Variants in WWOX observed in about 807,000 individuals in gnomAD.
WWOX encodes WW domain containing oxidoreductase.
In WWOX, 69 loss-of-function variants were observed where a neutral mutation model predicts 46.2. The observed-to-expected ratio is 1.49, with a 90% CI of 1.23 to 1.82. The LOEUF (loss-of-function observed/expected upper bound fraction) is 1.82. Ranked by LOEUF, WWOX falls within the 40% of genes most tolerant of loss-of-function variation. The pLI is 0.00. For missense variants in WWOX, 919 were observed against 542.6 expected (o/e 1.69, Z -6.89); for synonymous variants, 359 against 202.6 (o/e 1.77, Z -6.56).
chr16:79,094,083 A>G (rs28489583), intron 8 of WWOX, among the ~76,000 whole-genome samples: 6,660 of 152,142 alleles, frequency 0.044, 510 homozygotes, highest in African/African-American at 0.15. Flanking sequence ...CCCACCTAGC[A>G]CTCATCCCAC....
intron 8 of WWOX, among the ~76,000 whole-genome samples, chr16:78,809,693 G>C (rs911564343): frequency 2.0e-5 from 3 of 152,198 alleles, no homozygotes; most frequent in Non-Finnish European, 2.9e-5. Context: ...GACTGGGAGT[G>C]TGAATGAGGC....
chr16:78,547,127 G>GAAAAAAAAAAAAAAAAAAAAAAAAA (rs199726097), intron 8 of WWOX, among the ~76,000 whole-genome samples: 3 of 87,504 alleles, frequency 3.4e-5, no homozygotes, highest in African/African-American at 1.4e-4. Flanking sequence ...CCTTGTCTCA[G>GAAAAAAAAAAAAAAAAAAAAAAAAA]AAAAAAAAAA....
intron 8 of WWOX, among the ~76,000 whole-genome samples, chr16:78,555,517 G>A (rs1351528559): frequency 6.6e-6 from 1 of 151,466 alleles, no homozygotes; most frequent in East Asian, 1.9e-4. Flanking sequence ...ATGTCTCGGG[G>A]CTTCTGTGAG....
At position 78,432,757 on chromosome 16, in the gene WWOX, GAGA is replaced by G. The variant is rs1246369364; in HGVS notation, c.1056+7_1056+9del. On this transcript the variant is annotated splice_donor_region_variant and intron_variant, in intron 8 of 8. Transcript: ENST00000566780. ...AGGCCTTTCACCAAGTCCATGGTAA[GAGA>G]ACAGCTTCTGGCGCCGCAAACACCT... The G allele has an allele frequency of 6.2e-6, 10 of 1,614,150 alleles. No individual in the cohort carries two copies. The highest frequency in any genetic ancestry group is 8.5e-6 in the Non-Finnish European group (10 of 1,180,030).
intron 8 of WWOX, among the ~76,000 whole-genome samples, chr16:79,172,026 T>G (rs895071727): frequency 6.6e-6 from 1 of 152,088 alleles, no homozygotes; most frequent in Non-Finnish European, 1.5e-5. Context: ...AACACGGAGC[T>G]CCTGCAGAAG....
At chr16:78,974,138 T>C (rs576593940) in intron 8 of WWOX, among the ~76,000 whole-genome samples, 39 of 152,334 alleles carry the variant, frequency 2.6e-4, no homozygotes, top group African/African-American at 9.1e-4. Flanking sequence ...CAGTGTGATT[T>C]CACAAATCAA....
intron 8 of WWOX, among the ~76,000 whole-genome samples, chr16:78,689,524 C>T (rs199905034): frequency 1.3e-5 from 2 of 152,182 alleles, no homozygotes; most frequent in South Asian, 2.1e-4. Context: ...CTTCATAGTC[C>T]AGTCTTTGTA....
intron 8 of WWOX, among the ~76,000 whole-genome samples, chr16:79,054,694 G>C (rs546727425): frequency 5.1e-4 from 78 of 152,082 alleles, no homozygotes; most frequent in Non-Finnish European, 1.0e-3. Flanking sequence ...GCGTGGTGTC[G>C]TGTGTCTGTA....
intron 8 of WWOX, among the ~76,000 whole-genome samples, chr16:78,929,545 G>A (rs1223583312): frequency 6.6e-6 from 1 of 152,096 alleles, no homozygotes; most frequent in Non-Finnish European, 1.5e-5. Context: ...GAGTGAGATG[G>A]CCATACCTTC....
intron 8 of WWOX, among the ~76,000 whole-genome samples, chr16:78,737,105 TATTC>T (rs2049110046): frequency 6.6e-6 from 1 of 151,978 alleles, no homozygotes; most frequent in African/African-American, 2.4e-5. Context: ...TTTATTTATT[TATTC>T]ATTTATTTGA....
chr16:78,565,627 C>A (rs919145023), intron 8 of WWOX, among the ~76,000 whole-genome samples: 1 of 152,190 alleles, frequency 6.6e-6, no homozygotes, highest in African/African-American at 2.4e-5. Context: ...TCCCCTTTGC[C>A]ATGGCTGATG....
At chr16:79,136,039 T>C (rs1009935888) in intron 8 of WWOX, among the ~76,000 whole-genome samples, 3 of 152,218 alleles carry the variant, frequency 2.0e-5, no homozygotes, top group African/African-American at 7.2e-5. Context: ...TGCAGCAATT[T>C]TAACTTTCTA....
At chr16:78,271,469 A>G (rs1176412609) in intron 5 of WWOX, among the ~76,000 whole-genome samples, 1 of 152,238 alleles carries the variant, frequency 6.6e-6, no homozygotes, top group African/African-American at 2.4e-5. Flanking sequence ...ATCACTGGGA[A>G]TCTCAAGTTC....
intron 8 of WWOX, among the ~76,000 whole-genome samples, chr16:79,019,770 G>T (rs144558718): frequency 1.3e-5 from 2 of 152,192 alleles, no homozygotes; most frequent in Non-Finnish European, 2.9e-5. Flanking sequence ...AGCAAAGGTA[G>T]AAGGCTTGAG....
intron 5 of WWOX, chr16:78,355,960 C>T (rs948595311): frequency 2.8e-5 from 6 of 211,306 alleles, no homozygotes; most frequent in African/African-American, 9.6e-5. Context: ...GGGATTCTTC[C>T]ACTCCTGAAA....
intron 8 of WWOX, among the ~76,000 whole-genome samples, chr16:78,715,192 A>G (rs968453211): frequency 1.3e-5 from 2 of 152,108 alleles, no homozygotes; most frequent in African/African-American, 4.8e-5. Context: ...TATCAGTGAG[A>G]AAAGAGTTCA....
intron 8 of WWOX, among the ~76,000 whole-genome samples, chr16:78,593,342 T>G (rs1004550417): frequency 6.6e-6 from 1 of 152,166 alleles, no homozygotes; most frequent in Non-Finnish European, 1.5e-5. Context: ...TCCCTGGCCT[T>G]GATACTGATA....
At chr16:78,309,679 C>G (rs113005337) in intron 5 of WWOX, among the ~76,000 whole-genome samples, 69 of 152,256 alleles carry the variant, frequency 4.5e-4, no homozygotes, top group African/African-American at 1.6e-3. Context: ...GAATAAACTT[C>G]TTTAAATATT....
chr16:78,867,199 C>T (rs1597081461), intron 8 of WWOX, among the ~76,000 whole-genome samples: 1 of 152,124 alleles, frequency 6.6e-6, no homozygotes, highest in South Asian at 2.1e-4. Flanking sequence ...ATCTTCATGG[C>T]ACACTGGTGA....
Sources: gnomAD v4.1 joint callset for allele counts (sites outside exome capture counted in the v4.1 genomes callset) on GRCh38, gnomAD v4.1.1 for gene constraint, MANE v1.5 for transcripts, NCBI Gene and HGNC (gene_info 2026-07-23, HGNC 2026-07-21) for gene names.